The following GRM1 variants were observed in gnomAD, a reference collection of about 807,000 sequenced individuals.
GRM1 encodes metabotropic glutamate receptor 1.
In GRM1, 33 loss-of-function variants were observed where a neutral mutation model predicts 90.9. That is an observed-to-expected ratio of 0.36 (90% CI 0.28 to 0.49). The LOEUF (loss-of-function observed/expected upper bound fraction) is 0.49. Among genes scored for constraint, GRM1 ranks in the 20% least tolerant of loss-of-function variants. The pLI is 0.99. For missense variants in GRM1, 1,190 were observed against 1,534.3 expected, an observed-to-expected ratio of 0.78 and a Z score of 3.75; for synonymous variants, 700 against 613.2, an observed-to-expected ratio of 1.14 and a Z score of -2.09.
chr6:146,287,175 G>C (rs1298868856), intron 2 of GRM1, among the ~76,000 whole-genome samples: 1 of 152,150 alleles, frequency 6.6e-6, no homozygotes, highest in South Asian at 2.1e-4. Flanking sequence ...AACGGAAAGA[G>C]GAGTTTTCTG....
At chr6:146,200,991 G>A (rs1031832466) in intron 2 of GRM1, among the ~76,000 whole-genome samples, 10 of 152,154 alleles carry the variant, frequency 6.6e-5, no homozygotes, top group African/African-American at 1.7e-4. Context: ...GATTCCCCAT[G>A]TCTCAGGGCA....
chr6:146,186,064 T>C (rs1778720012), intron 2 of GRM1, among the ~76,000 whole-genome samples: 1 of 151,318 alleles, frequency 6.6e-6, no homozygotes, highest in South Asian at 2.1e-4. Context: ...TTCTGCTGCA[T>C]CAGCCTCCCG....
intron 1 of GRM1, among the ~76,000 whole-genome samples, chr6:146,150,492 A>G (rs1036892703): frequency 7.2e-5 from 11 of 152,172 alleles, no homozygotes; most frequent in African/African-American, 2.4e-4. Context: ...CAGTCATACA[A>G]TGTGCAATGC....
intron 2 of GRM1, among the ~76,000 whole-genome samples, chr6:146,167,308 T>C (rs567241336): frequency 2.2e-4 from 33 of 152,278 alleles, no homozygotes; most frequent in African/African-American, 7.0e-4. Context: ...ATTTGGATTG[T>C]TTCTAATTTG....
At chr6:146,308,990 T>C (rs1367837941) in intron 3 of GRM1, among the ~76,000 whole-genome samples, 4 of 152,208 alleles carry the variant, frequency 2.6e-5, no homozygotes, top group African/African-American at 9.6e-5. Context: ...TTTTCAAAAA[T>C]GTTGCAGTGA....
At chr6:146,274,939 A>G (rs537222275) in intron 2 of GRM1, among the ~76,000 whole-genome samples, 127 of 152,306 alleles carry the variant, frequency 8.3e-4, no homozygotes, top group Non-Finnish European at 1.5e-3. Context: ...CTGAGGCACA[A>G]GAATGGTTTG....
chr6:146,280,424 G>C (rs1782524954), intron 2 of GRM1, among the ~76,000 whole-genome samples: 1 of 152,114 alleles, frequency 6.6e-6, no homozygotes. Context: ...GTATCATTCT[G>C]TTTGGAATCT....
At chr6:146,185,751 A>G (rs2114561930) in intron 2 of GRM1, among the ~76,000 whole-genome samples, 1 of 152,270 alleles carries the variant, frequency 6.6e-6, no homozygotes, top group South Asian at 2.1e-4. Context: ...CACAGTTCTT[A>G]AAATACATTT....
intron 3 of GRM1, among the ~76,000 whole-genome samples, chr6:146,314,488 A>G (rs1423394721): frequency 1.3e-5 from 2 of 152,192 alleles, no homozygotes; most frequent in African/African-American, 4.8e-5. Context: ...GAATATCTTT[A>G]TACAAATCTT....
intron 2 of GRM1, among the ~76,000 whole-genome samples, chr6:146,302,708 T>C (rs560248316): frequency 6.6e-6 from 1 of 152,160 alleles, no homozygotes; most frequent in African/African-American, 2.4e-5. Flanking sequence ...TTGTAATTCT[T>C]TTTTAGTGTC....
chr6:146,314,496 C>A (rs946907319), intron 3 of GRM1, among the ~76,000 whole-genome samples: 2 of 152,274 alleles, frequency 1.3e-5, no homozygotes, highest in Middle Eastern at 3.4e-3. Flanking sequence ...TTATACAAAT[C>A]TTTGCATAAG....
intron 1 of GRM1, among the ~76,000 whole-genome samples, chr6:146,127,534 A>C (rs1305000687): frequency 6.6e-6 from 1 of 152,190 alleles, no homozygotes; most frequent in Non-Finnish European, 1.5e-5. Context: ...ACTTGGGCTC[A>C]AAGGATCAGA....
chr6:146,159,029 C>T (rs980745341), intron 1 of GRM1, among the ~76,000 whole-genome samples: 8 of 152,214 alleles, frequency 5.3e-5, no homozygotes, highest in Non-Finnish European at 1.0e-4. Flanking sequence ...ACTGATCTCT[C>T]CTACGTGGTT....
At chr6:146,222,841 G>A (rs1452923741) in intron 2 of GRM1, among the ~76,000 whole-genome samples, 1 of 152,018 alleles carries the variant, frequency 6.6e-6, no homozygotes, top group Non-Finnish European at 1.5e-5. Context: ...TGGAAGGTCT[G>A]GTTACTCTGA....
chr6:146,344,431 G>A (rs1233001915), intron 3 of GRM1, among the ~76,000 whole-genome samples: 2 of 152,198 alleles, frequency 1.3e-5, no homozygotes, highest in Non-Finnish European at 2.9e-5. Context: ...AACCTGAGCA[G>A]AGTGGCTGAT....
intron 5 of GRM1, among the ~76,000 whole-genome samples, chr6:146,372,016 GT>G (rs1393334041): frequency 1.3e-5 from 2 of 151,960 alleles, no homozygotes; most frequent in African/African-American, 4.8e-5. Context: ...TCGATGTTTA[GT>G]TTTTTTAAGG....
chr6:146,250,040 T>C (rs546259493), intron 2 of GRM1, among the ~76,000 whole-genome samples: 2 of 152,338 alleles, frequency 1.3e-5, no homozygotes, highest in South Asian at 2.1e-4. Context: ...ATTTCTCTCA[T>C]TTGGAATGGG....
intron 1 of GRM1, among the ~76,000 whole-genome samples, chr6:146,139,935 C>CCCTCT (rs1373032166): frequency 4.3e-5 from 4 of 93,006 alleles, no homozygotes; most frequent in South Asian, 6.0e-4. Context: ...CCCTCCCCTC[C>CCCTCT]CTTCCCCTGC....
chr6:146,402,276 G>A (rs1187094698), intron 7 of GRM1, among the ~76,000 whole-genome samples: 1 of 152,090 alleles, frequency 6.6e-6, no homozygotes, highest in African/African-American at 2.4e-5. Flanking sequence ...GACCCAGAGA[G>A]GGTATTTGAG....
Sources: gnomAD v4.1 joint callset for allele counts (sites outside exome capture counted in the v4.1 genomes callset) on GRCh38, gnomAD v4.1.1 for gene constraint, MANE v1.5 for transcripts, NCBI Gene and HGNC (gene_info 2026-07-23, HGNC 2026-07-21) for gene names.